Variants in IL1R1 observed in about 807,000 individuals in gnomAD.
IL1R1 encodes the protein interleukin 1 receptor type 1.
A neutral mutation model predicts 50.2 loss-of-function variants in IL1R1; 22 were observed. That is an observed-to-expected ratio of 0.44 (90% CI 0.31 to 0.63). IL1R1 has a LOEUF of 0.63. Among genes scored for constraint, IL1R1 ranks in the 20% least tolerant of loss-of-function variants. The pLI, the probability that IL1R1 is intolerant of heterozygous loss-of-function variation, is 0.07. For missense variants in IL1R1, 509 were observed against 676.2 expected, an observed-to-expected ratio of 0.75 and a Z score of 2.74; for synonymous variants, 251 against 236.7, an observed-to-expected ratio of 1.06 and a Z score of -0.55.
rs181993319 is a variant in IL1R1 at position 102,075,273 on chromosome 2, C to T, written c.-84+4740C>T. ...TTCTTTACTAAGTTTCTCTGTTAATCAGTTTGCACAGGAAAATGTTTCCAT... is the reference window on the plus strand; with the variant it reads ...TTCTTTACTAAGTTTCTCTGTTAATTAGTTTGCACAGGAAAATGTTTCCAT... On this transcript the variant is annotated intron_variant, in intron 1 of 11. Coordinates refer to the IL1R1 transcript ENST00000409929. Among the ~76,000 whole-genome samples, 91 of 152,288 alleles carry T rather than the reference C, an allele frequency of 6.0e-4. 1 individual carries two copies. The highest frequency in any genetic ancestry group is 2.1e-3 in the African/African-American group (86 of 41,554).
At chr2:102,103,905 C>T (rs1680262697), upstream of IL1R1, among the ~76,000 whole-genome samples, 1 of 146,842 alleles carries the variant, frequency 6.8e-6, no homozygotes, top group African/African-American at 2.5e-5. Flanking sequence ...GCACGAGAAT[C>T]ACTTGAACCT....
At chr2:102,125,717 T>G (rs1036547601) in intron 1 of IL1R1, among the ~76,000 whole-genome samples, 11 of 152,206 alleles carry the variant, frequency 7.2e-5, no homozygotes, top group African/African-American at 2.7e-4. Flanking sequence ...GTGCTCACAT[T>G]AATAAAAACA....
chr2:102,141,066 G>A (rs547405125), upstream of IL1R1, among the ~76,000 whole-genome samples: 2 of 152,332 alleles, frequency 1.3e-5, no homozygotes, highest in South Asian at 2.1e-4. Flanking sequence ...ATGGAAGGAC[G>A]AATTTATGTT....
chr2:102,167,442 G>GTT (rs3047461), intron 6 of IL1R1, among the ~76,000 whole-genome samples: 331 of 68,880 alleles, frequency 4.8e-3, no homozygotes, highest in Non-Finnish European at 7.0e-3. Flanking sequence ...TAGGTTAAGT[G>GTT]TTTTTTTTTT....
chr2:102,154,443 C>T (rs538243025), intron 2 of IL1R1, among the ~76,000 whole-genome samples: 1 of 152,216 alleles, frequency 6.6e-6, no homozygotes, highest in East Asian at 1.9e-4. Context: ...CTGTGGGTGA[C>T]ACCCTCTGAG....
chr2:102,134,089 T>C (rs1013327488), intron 1 of IL1R1, among the ~76,000 whole-genome samples: 3 of 152,214 alleles, frequency 2.0e-5, no homozygotes, highest in Non-Finnish European at 4.4e-5. Context: ...ATACTAGCAA[T>C]GAGCATTCAG....
chr2:102,152,823 A>G (rs1683813927), intron 1 of IL1R1, among the ~76,000 whole-genome samples: 1 of 152,166 alleles, frequency 6.6e-6, no homozygotes, highest in South Asian at 2.1e-4. Context: ...ACCTTGTGTT[A>G]TGCTGTGTAC....
chr2:102,171,015 T>G (rs1685622543), intron 7 of IL1R1, among the ~76,000 whole-genome samples: 1 of 152,204 alleles, frequency 6.6e-6, no homozygotes, highest in South Asian at 2.1e-4. Context: ...GAGCCGAGAT[T>G]GTGCCACTGC....
chr2:102,131,067 A>G (rs1682003624), intron 1 of IL1R1, among the ~76,000 whole-genome samples: 1 of 152,166 alleles, frequency 6.6e-6, no homozygotes, highest in Admixed American at 6.5e-5. Context: ...AAAAGATTAG[A>G]TGAAATAGTG....
chr2:102,162,039 T>C (rs1684778802), intron 3 of IL1R1, among the ~76,000 whole-genome samples: 1 of 152,172 alleles, frequency 6.6e-6, no homozygotes, highest in Non-Finnish European at 1.5e-5. Flanking sequence ...TTTTTTCTTG[T>C]AATATTTTTA....
chr2:102,111,634 G>A (rs1022422117), intron 1 of IL1R1, among the ~76,000 whole-genome samples: 1 of 152,190 alleles, frequency 6.6e-6, no homozygotes, highest in South Asian at 2.1e-4. Context: ...GCAGCTTACA[G>A]TCCATCTGCG....
At chr2:102,093,754 C>T (rs915779637) in intron 1 of IL1R1, among the ~76,000 whole-genome samples, 1 of 152,184 alleles carries the variant, frequency 6.6e-6, no homozygotes, top group African/African-American at 2.4e-5. Context: ...CCAGTGGTGT[C>T]AGCCGCCCCA....
At position 102,172,849 on chromosome 2, in the gene IL1R1, A is replaced by G; in HGVS notation, c.991+11A>G. The G allele has an allele frequency of 6.4e-7, 1 of 1,574,024 alleles. No homozygotes were observed. The highest frequency in any genetic ancestry group is 1.8e-5 in the Admixed American group (1 of 54,844). ...AGTTAATATATCCAGGTAAACAACA[A>G]ACTAATTGAAATGCAGTTTTGTTTT... On this transcript the variant is annotated intron_variant, in intron 9 of 11. Transcript: ENST00000410023.
At chr2:102,134,171 A>G (rs981411714) in intron 1 of IL1R1, among the ~76,000 whole-genome samples, 2 of 152,218 alleles carry the variant, frequency 1.3e-5, no homozygotes, top group African/African-American at 4.8e-5. Flanking sequence ...AAATCTGGCC[A>G]AAGATATGCA....
In IL1R1 at chr2:102,166,144, A is replaced by T; in HGVS notation, c.518A>T (p.His173Leu). The stretch of plus-strand genomic sequence containing the variant: ...AAACCTCTACTTCTTGACAATATAC[A>T]CTTTAGTGGAGTCAAAGATAGGCTC... Reference protein sequence around the residue: ...DCKPLLLDNIHFSGVKDRLIV... With the variant: ...DCKPLLLDNILFSGVKDRLIV... Residue 173 changes from histidine to leucine, a missense_variant, in exon 6 of 12, where the codon CAC (histidine) becomes CTC (leucine). Physicochemically the swap from His to Leu is moderately conservative, Grantham distance 99. Transcript: ENST00000410023. 1.2e-6 allele frequency: 2 copies of T among 1,613,664 alleles called. No homozygotes were observed. The highest frequency in any genetic ancestry group is 1.7e-6 in the Non-Finnish European group (2 of 1,179,738).
At chr2:102,073,084 A>T (rs1678805267) in intron 1 of IL1R1, among the ~76,000 whole-genome samples, 1 of 152,016 alleles carries the variant, frequency 6.6e-6, no homozygotes, top group Non-Finnish European at 1.5e-5. Context: ...GTACTGGGGG[A>T]TCAACTATTC....
intron 11 of IL1R1, 94 bp downstream of exon 11, chr2:102,175,739 G>A (rs1296135073): frequency 7.7e-6 from 9 of 1,174,458 alleles, no homozygotes; most frequent in African/African-American, 6.1e-5. Context: ...TGGCATAGGG[G>A]TATATGTTTC....
Position 102,078,562 on chromosome 2 carries a change from T to TCACACA in IL1R1, c.-84+8062_-84+8067dup, listed in dbSNP as rs35407722. Reference sequence around the variant, plus strand: ...ACACTGAATTAGCAGTCAAAAAACTTCACACACACACACACACACACACAC... The same window carrying TCACACA: ...ACACTGAATTAGCAGTCAAAAAACTTCACACACACACACACACACACACACACACAC... On this transcript the variant is annotated intron_variant, in intron 1 of 11. Coordinates refer to the IL1R1 transcript ENST00000409929. Among the ~76,000 whole-genome samples, 488 of 104,108 alleles carry TCACACA rather than the reference T, an allele frequency of 4.7e-3. 5 individuals are homozygous for TCACACA. Among genetic ancestry groups the TCACACA allele is most frequent in the African/African-American group, 0.012 (350 of 29,624 alleles). The allele number at this position is 104,108 out of a possible 152,430, so 68.3% of individuals were successfully genotyped here.
intron 1 of IL1R1, among the ~76,000 whole-genome samples, chr2:102,092,982 T>C (rs921531321): frequency 6.6e-6 from 1 of 152,198 alleles, no homozygotes; most frequent in Non-Finnish European, 1.5e-5. Flanking sequence ...AAACTACATA[T>C]AGACATCTCC....
Sources: gnomAD v4.1 joint callset for allele counts (sites outside exome capture counted in the v4.1 genomes callset) on GRCh38, gnomAD v4.1.1 for gene constraint, MANE v1.5 for transcripts, NCBI Gene and HGNC (gene_info 2026-07-23, HGNC 2026-07-21) for gene names.